The following NHEJ1 variants were observed in gnomAD, a reference collection of about 807,000 sequenced individuals.
The protein encoded by NHEJ1 is non-homologous end-joining factor 1.
A neutral mutation model predicts 39.4 loss-of-function variants in NHEJ1; 22 were observed. That is an observed-to-expected ratio of 0.56 (90% CI 0.40 to 0.80). NHEJ1 has a LOEUF of 0.80. Ranked by LOEUF, NHEJ1 falls within the 30% of genes least tolerant of loss-of-function variation. NHEJ1 has a pLI of 0.00. For missense variants in NHEJ1, 329 were observed against 357.1 expected (o/e 0.92, Z 0.63); for synonymous variants, 154 against 135.6 (o/e 1.14, Z -0.94).
At chr2:219,159,614 T>A (rs1374047827) in intron 1 of NHEJ1, among the ~76,000 whole-genome samples, 2 of 138,672 alleles carry the variant, frequency 1.4e-5, no homozygotes, top group African/African-American at 5.7e-5. Context: ...TATATATACA[T>A]ATACGTGGTG....
At position 219,073,423 on chromosome 2, in the gene NHEJ1, G is replaced by C. The variant is rs1354498144; in HGVS notation, c.*2958C>G. On this transcript the variant is annotated 3_prime_UTR_variant, in exon 8 of 8. Coordinates refer to ENST00000356853, the MANE Select transcript of NHEJ1 (RefSeq NM_024782.3). ...ACCCAGCCTGAGCTCTGCTTTTAAG[G>C]GTTGCTGGGGAAGCCCCCACTGAGG... 6.6e-6 allele frequency among the ~76,000 whole-genome samples: 1 copy of C among 152,182 alleles called. No individual in the cohort carries two copies. Among genetic ancestry groups the C allele is most frequent in the Non-Finnish European group, 1.5e-5 (1 of 68,014 alleles).
intron 5 of NHEJ1, among the ~76,000 whole-genome samples, chr2:219,098,156 T>C (rs1195212653): frequency 1.3e-5 from 2 of 151,904 alleles, no homozygotes; most frequent in African/African-American, 4.8e-5. Flanking sequence ...TTCAATGGAG[T>C]GATGGGACCC....
chr2:219,159,573 A>ATGTGCATATATATGCATATATATATG lies in NHEJ1; in HGVS notation c.-1+1146_-1+1147insCATATATATATGCATATATATGCACA, dbSNP rs1559206332. ...TATGCATATATATATGCATATATAT[A>ATGTGCATATATATGCATATATATATG]TGCATATATATATGCATATATATAT... is the stretch of plus-strand genomic sequence containing the variant. On this transcript the variant is annotated intron_variant, in intron 1 of 7. Transcript: ENST00000356853. Among the ~76,000 whole-genome samples, 20 of 14,044 alleles carry ATGTGCATATATATGCATATATATATG rather than the reference A, an allele frequency of 1.4e-3. 3 individuals carry two copies. The highest frequency in any genetic ancestry group is 4.0e-3 in the Admixed American group (5 of 1,246). 9.2% of individuals were successfully genotyped at this position (14,044 alleles called of 152,430 possible).
rs114378195 is a variant in NHEJ1, at chr2:219,081,459, A to C, written c.589-3253T>G. 8.4e-3 allele frequency among the ~76,000 whole-genome samples: 1,284 copies of C among 152,328 alleles called. 26 individuals are homozygous for C. Among genetic ancestry groups the C allele is most frequent in the African/African-American group, 0.029 (1,193 of 41,570 alleles). On this transcript the variant is annotated intron_variant, in intron 5 of 7. Transcript: ENST00000356853. The stretch of plus-strand genomic sequence containing the variant: ...CAAAGTGGGGAGGGAAAGAAGAGTC[A>C]GGTCAGCCTACCTGTAGAACGTGTT...
rs1369126040 is a variant in NHEJ1 at position 219,069,834 on chromosome 2, T to C, written c.*6547A>G. 1 of 152,220 alleles carries C rather than the reference T, an allele frequency of 6.6e-6. No homozygotes were observed. Among genetic ancestry groups the C allele is most frequent in the East Asian group, 1.9e-4 (1 of 5,196 alleles). The allele number at this position is 152,220 out of a possible 1,614,324, so 9.4% of individuals were successfully genotyped here. A position where few individuals can be genotyped will look rare whatever the true frequency, so the allele number is the denominator to read the frequency against. On this transcript the variant is annotated 3_prime_UTR_variant, in exon 8 of 8. Transcript: ENST00000356853. ...GCCTATAAAGTTGGCTTAAACCTCA[T>C]GTTGATTAAACCTCATGGTGTTCAC...
chr2:219,077,465 T>C, intron 6 of NHEJ1, 101 bp from the exon 7 acceptor site: 1 of 924,178 alleles, frequency 1.1e-6, no homozygotes, highest in Non-Finnish European at 1.8e-6. Flanking sequence ...CAGGGTTTGG[T>C]ACAAATATAT....
chr2:219,120,045 G>T (rs145027995), intron 5 of NHEJ1, among the ~76,000 whole-genome samples: 4 of 152,298 alleles, frequency 2.6e-5, no homozygotes, highest in African/African-American at 9.6e-5. Context: ...GAGAGGACAT[G>T]ATCTAGTGTT....
At chr2:219,120,454 A>G (rs189008967) in intron 5 of NHEJ1, among the ~76,000 whole-genome samples, 1 of 152,236 alleles carries the variant, frequency 6.6e-6, no homozygotes, top group Admixed American at 6.5e-5. Context: ...ATATAAGAAG[A>G]AGGAATCAGA....
At chr2:219,128,957 G>T (rs937725835) in intron 5 of NHEJ1, among the ~76,000 whole-genome samples, 1 of 152,082 alleles carries the variant, frequency 6.6e-6, no homozygotes, top group African/African-American at 2.4e-5. Context: ...CATATGGTTT[G>T]GTCTAAAAGC....
At chr2:219,101,437 G>C (rs904723046) in intron 5 of NHEJ1, among the ~76,000 whole-genome samples, 1 of 149,246 alleles carries the variant, frequency 6.7e-6, no homozygotes, top group African/African-American at 2.5e-5. Flanking sequence ...TTTGTGACAG[G>C]GTCTTGCTCA....
At chr2:219,144,787 A>C (rs191451387) in intron 5 of NHEJ1, among the ~76,000 whole-genome samples, 1 of 152,334 alleles carries the variant, frequency 6.6e-6, no homozygotes, top group Admixed American at 6.5e-5. Flanking sequence ...TGAGGCAGGG[A>C]ACCAGCATGT....
intron 5 of NHEJ1, among the ~76,000 whole-genome samples, chr2:219,092,484 T>C (rs909373097): frequency 1.3e-5 from 2 of 152,198 alleles, no homozygotes; most frequent in African/African-American, 4.8e-5. Context: ...TTTCAAGATA[T>C]CTGCAGCAGT....
chr2:219,143,854 A>C (rs1183943914), intron 5 of NHEJ1, among the ~76,000 whole-genome samples: 2 of 152,242 alleles, frequency 1.3e-5, no homozygotes, highest in Non-Finnish European at 2.9e-5. Flanking sequence ...TGATTTATCC[A>C]AAGCTGCAAA....
At chr2:219,136,186 TAGAATC>T in intron 5 of NHEJ1, among the ~76,000 whole-genome samples, 1 of 152,314 alleles carries the variant, frequency 6.6e-6, no homozygotes, top group South Asian at 2.1e-4. Context: ...TTGGGATTCT[TAGAATC>T]AGAAACCCAA....
intron 5 of NHEJ1, among the ~76,000 whole-genome samples, chr2:219,081,172 C>T (rs1040482676): frequency 9.9e-5 from 15 of 152,176 alleles, no homozygotes; most frequent in Admixed American, 8.5e-4. Flanking sequence ...CTCTTAATCC[C>T]ATTCTAGCCA....
Position 219,077,249 on chromosome 2 carries a change from G to A in NHEJ1, c.822C>T (p.Ser274=). 1 of 1,611,336 alleles carries A rather than the reference G, an allele frequency of 6.2e-7. No homozygotes were observed. ...CAGGAAGCTGCTCATGACTCACCGT[G>A]GACTCTTTCTCAGGTGCTGAGAGGG... ...APTLSAPEKE[S]TGTSGPLQRP... The change falls in exon 7 of 8, where the codon TCC becomes TCT. Residue 274 remains serine, a synonymous_variant. Transcript: ENST00000356853.
intron 7 of NHEJ1, 56 bp downstream of exon 7, chr2:219,077,189 TG>T: frequency 7.8e-7 from 1 of 1,277,710 alleles, no homozygotes; most frequent in Non-Finnish European, 1.1e-6. Flanking sequence ...ACCACTGGCT[TG>T]GGGGCTATAG....
intron 5 of NHEJ1, chr2:219,095,435 C>T (rs1559189525): frequency 2.2e-6 from 1 of 450,262 alleles, no homozygotes; most frequent in Non-Finnish European, 4.6e-6. Context: ...GCATGTGTTT[C>T]TGGGTGATAT....
intron 2 of NHEJ1, 108 bp downstream of exon 2, chr2:219,158,078 T>G (rs1433283586): frequency 9.9e-7 from 1 of 1,006,592 alleles, no homozygotes; most frequent in Non-Finnish European, 1.5e-6. Context: ...GTACAGGACA[T>G]TAACTGGAAT....
Sources: allele counts gnomAD v4.1 joint callset (sites outside exome capture counted in the v4.1 genomes callset), GRCh38; gene constraint gnomAD v4.1.1; transcripts MANE v1.5; gene names NCBI Gene and HGNC (gene_info 2026-07-23, HGNC 2026-07-21).